PCDHGB1: variants seen among roughly 807,000 people sequenced by gnomAD.
PCDHGB1 encodes protocadherin gamma-B1.
Under a neutral mutation model 56.6 loss-of-function variants are expected in PCDHGB1, and 34 were observed. The ratio of observed to expected loss-of-function variants is 0.60; its 90% confidence interval spans 0.46 to 0.80. PCDHGB1 has a LOEUF of 0.80. Ranked by LOEUF, PCDHGB1 falls within the 30% of genes least tolerant of loss-of-function variation. The pLI is 0.00. For missense variants in PCDHGB1, 1,278 were observed against 1,204.6 expected (o/e 1.06, Z -0.90); for synonymous variants, 561 against 505.9 (o/e 1.11, Z -1.46).
rs375404779 is a variant in PCDHGB1 at position 141,419,760 on chromosome 5, A to T, written c.2409+67091A>T. 11 of 1,613,876 alleles carry T rather than the reference A, an allele frequency of 6.8e-6. No homozygotes were observed. The highest frequency in any genetic ancestry group is 9.3e-6 in the Non-Finnish European group (11 of 1,179,904). On this transcript the variant is annotated intron_variant, in intron 1 of 3. Coordinates refer to ENST00000523390, the MANE Select transcript of PCDHGB1 (RefSeq NM_018922.3). ...GTGCGCATGGTGCGTGCTTTGGGTG[A>T]CAAGGACTCGGTCCGCCAGCGCCTG...
chr5:141,415,740 GTTTTTTTTTTTTTTT>G (rs57426385), intron 1 of PCDHGB1: 171 of 625,014 alleles, frequency 2.7e-4, no homozygotes, highest in East Asian at 8.8e-4. Flanking sequence ...GTTTATTAAG[GTTTTTTTTTTTTTTT>G]TTTTTTTTTT....
chr5:141,465,918 C>T lies in PCDHGB1; in HGVS notation c.2410-28889C>T, dbSNP rs34980831. On this transcript the variant is annotated intron_variant, in intron 1 of 3. Transcript: ENST00000523390. ...CGGGCAAATCACGAGGTCAGGATTT[C>T]GAGTCCATCCTGGCTAACATGGTGA... 2.0e-3 allele frequency among the ~76,000 whole-genome samples: 307 copies of T among 152,144 alleles called. 1 individual carries two copies. Among genetic ancestry groups the T allele is most frequent in the Middle Eastern group, 0.01 (3 of 294 alleles).
chr5:141,422,777 C>CCCTACAAT, intron 1 of PCDHGB1: 2 of 1,613,982 alleles, frequency 1.2e-6, no homozygotes, highest in Non-Finnish European at 1.7e-6. Context: ...GTTCTCTATG[C>CCCTACAAT]CCTACAATCC....
intron 1 of PCDHGB1, chr5:141,405,544 C>T: frequency 1.6e-6 from 1 of 632,908 alleles, no homozygotes; most frequent in Non-Finnish European, 2.7e-6. Context: ...CTCAGCCTCC[C>T]AAGTAGAGTA....
intron 1 of PCDHGB1, chr5:141,392,857 T>C: frequency 5.0e-6 from 8 of 1,612,536 alleles, no homozygotes; most frequent in Non-Finnish European, 6.8e-6. Flanking sequence ...GAGCTGATCC[T>C]GCTGTGCGCG....
chr5:141,400,793 C>T, intron 1 of PCDHGB1: 2 of 561,880 alleles, frequency 3.6e-6, no homozygotes, highest in Admixed American at 3.5e-5. Context: ...TGTCCTCTTT[C>T]TCAAAGCTAA....
Position 141,478,316 on chromosome 5 carries a change from C to T in PCDHGB1, c.2410-16491C>T, listed in dbSNP as rs776948755. ...CCTATACCGAGCCCCGGTGAGCTCA[C>T]TGTACCGAACACCAGGGCCCTCCTT... On this transcript the variant is annotated intron_variant, in intron 1 of 3. Coordinates refer to ENST00000523390, the MANE Select transcript of PCDHGB1 (RefSeq NM_018922.3). 120 of 1,613,924 alleles carry T rather than the reference C, an allele frequency of 7.4e-5. 2 individuals carry two copies. In the South Asian group the frequency reaches 1.3e-3, roughly 18 times the overall value.
chr5:141,484,930 G>A (rs992641330), intron 1 of PCDHGB1: 2 of 501,452 alleles, frequency 4.0e-6, no homozygotes, highest in South Asian at 2.6e-5. Flanking sequence ...CTGCTGTTGG[G>A]ACGTTCTCTG....
At chr5:141,377,892 C>T (rs1387473486) in intron 1 of PCDHGB1, 1 of 152,170 alleles carries the variant, frequency 6.6e-6, no homozygotes, top group Non-Finnish European at 1.5e-5. Context: ...TAGGATCCCC[C>T]TCTGTTGCCC....
intron 1 of PCDHGB1, chr5:141,429,216 T>A (rs1590916921): frequency 6.8e-6 from 1 of 146,786 alleles, no homozygotes; most frequent in Admixed American, 6.7e-5. Context: ...GTGTGAAAAG[T>A]GGGTATTATG....
rs372043756 is a variant in PCDHGB1 at position 141,476,212 on chromosome 5, C to G, written c.2410-18595C>G. ...GTGCCTTGAACAAGGCTTCCACGGT[C>G]ATTCACTATGAGATCCCGGAGGAAA... On this transcript the variant is annotated intron_variant, in intron 1 of 3. Coordinates refer to ENST00000523390, the MANE Select transcript of PCDHGB1 (RefSeq NM_018922.3). The surrounding 1 kb of genome is among the most constrained non-coding windows in gnomAD (Gnocchi z 7.6). 6 of 1,613,932 alleles carry G rather than the reference C, an allele frequency of 3.7e-6. No individual in the cohort carries two copies. The highest frequency in any genetic ancestry group is 5.1e-6 in the Non-Finnish European group (6 of 1,180,012).
chr5:141,380,372 C>T lies in PCDHGB1; in HGVS notation c.2409+27703C>T, dbSNP rs73265858. On this transcript the variant is annotated intron_variant, in intron 1 of 3. Transcript: ENST00000523390. ...TTGTTTGTTTTTTAGAAAAAAAAGT[C>T]CCAAAAAAGAAAAGAGAGAAGATAA... 8.4e-3 allele frequency among the ~76,000 whole-genome samples: 1,279 copies of T among 152,058 alleles called. 17 individuals are homozygous for T. Among genetic ancestry groups the T allele is most frequent in the African/African-American group, 0.029 (1,214 of 41,474 alleles).
chr5:141,372,534 C>A (rs752225423), intron 1 of PCDHGB1: 49 of 1,613,884 alleles, frequency 3.0e-5, no homozygotes, highest in Non-Finnish European at 4.0e-5. Context: ...AATCTCCCTG[C>A]GCCTGCGATG....
intron 1 of PCDHGB1, chr5:141,399,627 C>T (rs751717107): frequency 1.2e-6 from 2 of 1,613,906 alleles, no homozygotes; most frequent in Non-Finnish European, 1.7e-6. Context: ...TGGCCTCTTA[C>T]GTGTCCATGA....
intron 1 of PCDHGB1, chr5:141,441,743 C>T (rs1298220876): frequency 1.4e-5 from 5 of 367,166 alleles, no homozygotes; most frequent in Non-Finnish European, 2.2e-5. Context: ...AGCTCGCGCT[C>T]GGCGTCAACG....
At chr5:141,470,815 G>A (rs891225908) in intron 1 of PCDHGB1, among the ~76,000 whole-genome samples, 1 of 151,980 alleles carries the variant, frequency 6.6e-6, no homozygotes, top group African/African-American at 2.4e-5. Flanking sequence ...AGCCTTCTGA[G>A]TAGTTAGGAC....
chr5:141,409,736 G>A (rs1053484390), intron 1 of PCDHGB1: 3 of 1,613,110 alleles, frequency 1.9e-6, no homozygotes, highest in Non-Finnish European at 2.5e-6. Flanking sequence ...CGCGCAGAGC[G>A]GGGTGGTGTT....
intron 1 of PCDHGB1, chr5:141,478,628 T>G (rs1245431927): frequency 6.4e-7 from 1 of 1,553,704 alleles, no homozygotes; most frequent in African/African-American, 1.4e-5. Context: ...GAGCTGTTTT[T>G]TTAGTGATGA....
intron 1 of PCDHGB1, among the ~76,000 whole-genome samples, chr5:141,397,238 C>A (rs2093493095): frequency 6.6e-6 from 1 of 151,972 alleles, no homozygotes; most frequent in African/African-American, 2.4e-5. Flanking sequence ...AGAAGAGCAA[C>A]GTAGTAGGGT....
Sources: gnomAD v4.1 joint callset for allele counts (sites outside exome capture counted in the v4.1 genomes callset) on GRCh38, gnomAD v4.1.1 for gene constraint, Gnocchi (gnomAD v3.1) non-coding constraint, MANE v1.5 for transcripts, NCBI Gene and HGNC (gene_info 2026-07-23, HGNC 2026-07-21) for gene names.